Variants in FUT8 observed in about 807,000 individuals in gnomAD.
FUT8 encodes the protein fucosyltransferase 8, also known as alpha-(1,6)-fucosyltransferase.
In FUT8, 29 loss-of-function variants were observed where a neutral mutation model predicts 71.3. The observed-to-expected ratio is 0.41, with a 90% confidence interval of 0.30 to 0.55. FUT8 has a LOEUF of 0.55. Ranked by LOEUF, FUT8 falls within the 20% of genes least tolerant of loss-of-function variation. FUT8 has a pLI of 0.34. For synonymous variants in FUT8, 254 were observed against 239.3 expected (o/e 1.06, Z -0.57); for missense variants, 544 against 702.1 (o/e 0.77, Z 2.55).
At chr14:65,566,048 T>C (rs1382204233) in intron 3 of FUT8, among the ~76,000 whole-genome samples, 1 of 151,982 alleles carries the variant, frequency 6.6e-6, no homozygotes, top group Non-Finnish European at 1.5e-5. Flanking sequence ...GCTAGGCTTT[T>C]TTTCTAATTA....
At chr14:65,543,893 A>G (rs1309777333) in intron 2 of FUT8, among the ~76,000 whole-genome samples, 1 of 152,220 alleles carries the variant, frequency 6.6e-6, no homozygotes, top group African/African-American at 2.4e-5. Flanking sequence ...AAAGTTAGCT[A>G]GAGGACAAAA....
intron 7 of FUT8, among the ~76,000 whole-genome samples, chr14:65,693,418 A>G (rs887831057): frequency 3.3e-5 from 5 of 152,118 alleles, no homozygotes; most frequent in African/African-American, 1.2e-4. Flanking sequence ...GAGGCAGGAG[A>G]ATCAGGCAGG....
chr14:65,728,655 A>G (rs941628958), intron 9 of FUT8, among the ~76,000 whole-genome samples: 4 of 150,080 alleles, frequency 2.7e-5, no homozygotes, highest in African/African-American at 9.9e-5. Flanking sequence ...TTATAAAACT[A>G]TACTTTTACT....
the FUT8 span, among the ~76,000 whole-genome samples, chr14:65,371,999 C>T: frequency 6.6e-6 from 1 of 152,176 alleles, no homozygotes; most frequent in Non-Finnish European, 1.5e-5. Flanking sequence ...AGTGATACCT[C>T]CAATTCTAAT....
At chr14:65,636,915 A>G (rs1407169567) in intron 6 of FUT8, among the ~76,000 whole-genome samples, 1 of 152,204 alleles carries the variant, frequency 6.6e-6, no homozygotes, top group Non-Finnish European at 1.5e-5. Context: ...TTAAAAGATT[A>G]TAATACTCGG....
chr14:65,523,394 A>G (rs1472878895), intron 2 of FUT8, among the ~76,000 whole-genome samples: 7 of 151,774 alleles, frequency 4.6e-5, no homozygotes, highest in Non-Finnish European at 8.8e-5. Context: ...GTCTATTCAT[A>G]TCCTTCGCCC....
At chr14:65,389,764 T>G in the FUT8 span, among the ~76,000 whole-genome samples, 1 of 152,026 alleles carries the variant, frequency 6.6e-6, no homozygotes, top group Non-Finnish European at 1.5e-5. Context: ...CATGGCATAC[T>G]GTATACAGTT....
intron 1 of FUT8, among the ~76,000 whole-genome samples, chr14:65,424,361 C>T (rs2065350397): frequency 6.6e-6 from 1 of 151,970 alleles, no homozygotes; most frequent in Non-Finnish European, 1.5e-5. Flanking sequence ...GACAGGGTTT[C>T]TCTCAGTGTC....
intron 6 of FUT8, among the ~76,000 whole-genome samples, chr14:65,641,830 G>C (rs1412388751): frequency 6.7e-6 from 1 of 148,402 alleles, no homozygotes. Flanking sequence ...TATCATCTTT[G>C]GTGAAATGTC....
the FUT8 span, among the ~76,000 whole-genome samples, chr14:65,401,463 G>A: frequency 3.9e-5 from 6 of 152,138 alleles, no homozygotes; most frequent in African/African-American, 1.2e-4. Flanking sequence ...AGAGATATGC[G>A]GGCCTAACAA....
chr14:65,662,279 G>C (rs538499850), intron 6 of FUT8, among the ~76,000 whole-genome samples: 7 of 152,230 alleles, frequency 4.6e-5, no homozygotes, highest in East Asian at 1.9e-4. Context: ...TGGGCTACTT[G>C]GGGGGATGAG....
upstream of FUT8, chr14:65,412,250 C>T (rs1312090329): frequency 2.2e-6 from 1 of 456,676 alleles, no homozygotes. Flanking sequence ...AGCAGTCAAG[C>T]GGCCAAATGC....
chr14:65,570,368 CA>C (rs1314112870), intron 3 of FUT8, among the ~76,000 whole-genome samples: 1 of 151,854 alleles, frequency 6.6e-6, no homozygotes, highest in Non-Finnish European at 1.5e-5. Context: ...CTCACTTCCA[CA>C]GCTCTCTAAT....
chr14:65,717,522 A>T (rs1353533487), intron 7 of FUT8, among the ~76,000 whole-genome samples: 5 of 45,016 alleles, frequency 1.1e-4, no homozygotes, highest in African/African-American at 2.6e-4. Context: ...TCCCAGACGA[A>T]GGGCGGCCGG....
In FUT8 at chr14:65,432,407, T is replaced by TA. The variant is rs780787821; in HGVS notation, c.-326+19196dup. Among the ~76,000 whole-genome samples, 414 of 141,822 alleles carry TA rather than the reference T, an allele frequency of 2.9e-3. 2 individuals are homozygous for TA. Among genetic ancestry groups the TA allele is most frequent in the African/African-American group, 0.01 (394 of 39,126 alleles). 93.0% of individuals were successfully genotyped at this position (141,822 alleles called of 152,430 possible). ...TTTCTACTTTCCTTTTTTTTTTTTT[T>TA]AAATTATTGGCTTTTCCTTCCCATT... On this transcript the variant is annotated intron_variant, in intron 1 of 10. Coordinates refer to ENST00000673929, the MANE Select transcript of FUT8 (RefSeq NM_001371533.1).
At chr14:65,537,057 C>T (rs1243066318) in intron 2 of FUT8, among the ~76,000 whole-genome samples, 1 of 146,510 alleles carries the variant, frequency 6.8e-6, no homozygotes, top group East Asian at 2.0e-4. Context: ...GTCTGTTTTG[C>T]TGTTAATACT....
chr14:65,481,751 A>G (rs1437788338), intron 2 of FUT8, among the ~76,000 whole-genome samples: 1 of 151,818 alleles, frequency 6.6e-6, no homozygotes, highest in Non-Finnish European at 1.5e-5. Context: ...TCCTGTGTTT[A>G]TTTATCCTTT....
At chr14:65,615,884 T>C (rs1470441950) in intron 3 of FUT8, 94 bp from the exon 4 acceptor site, 5 of 823,486 alleles carry the variant, frequency 6.1e-6, no homozygotes, top group Non-Finnish European at 7.7e-6. Flanking sequence ...CAACAACTTA[T>C]GGAGTTTACA....
At chr14:65,401,256 G>C in the FUT8 span, among the ~76,000 whole-genome samples, 14 of 152,326 alleles carry the variant, frequency 9.2e-5, no homozygotes, top group Non-Finnish European at 2.1e-4. Context: ...GAGAGATTAG[G>C]AGAATTGCAG....
Sources: gnomAD v4.1 joint callset for allele counts (sites outside exome capture counted in the v4.1 genomes callset) on GRCh38, gnomAD v4.1.1 for gene constraint, MANE v1.5 for transcripts, NCBI Gene and HGNC (gene_info 2026-07-23, HGNC 2026-07-21) for gene names.